Variants in ANGPT1 observed in about 807,000 individuals in gnomAD.
The protein encoded by ANGPT1 is angiopoietin-1.
Under a neutral mutation model 62.2 loss-of-function variants are expected in ANGPT1, and 17 were observed. The ratio of observed to expected loss-of-function variants is 0.27; its 90% confidence interval spans 0.19 to 0.41. The LOEUF (loss-of-function observed/expected upper bound fraction) is 0.41. Ranked by LOEUF, ANGPT1 falls within the 10% of genes least tolerant of loss-of-function variation. The probability of loss-of-function intolerance (pLI) is 1.00; values close to 1 mark genes in which losing one functional copy is unlikely to be tolerated. For synonymous variants in ANGPT1, 199 were observed against 198.9 expected (o/e 1.00, Z 0.00); for missense variants, 478 against 594.9 (o/e 0.80, Z 2.04).
At chr8:107,492,456 C>G (rs973971351) in intron 1 of ANGPT1, among the ~76,000 whole-genome samples, 5 of 152,196 alleles carry the variant, frequency 3.3e-5, no homozygotes, top group South Asian at 4.1e-4. Context: ...CTTCCTCAGC[C>G]TCCCTAGTAG....
At position 107,264,250 on chromosome 8, in the gene ANGPT1, A is replaced by G; in HGVS notation, c.1307T>C (p.Met436Thr). The G allele has an allele frequency of 6.2e-7, 1 of 1,613,956 alleles. No individual in the cohort carries two copies. The highest frequency in any genetic ancestry group is 8.5e-7 in the Non-Finnish European group (1 of 1,179,902). ...TGTTAACATGAGGGCACATTTGCACATACAGTTGTCATTATCAGCATCTTT... is the reference window on the plus strand; with the variant it reads ...TGTTAACATGAGGGCACATTTGCACGTACAGTTGTCATTATCAGCATCTTT... ...STKDADNDNCMCKCALMLTGG... is the reference protein window; with the variant it reads ...STKDADNDNCTCKCALMLTGG... Residue 436 changes from methionine to threonine, a missense_variant, in exon 8 of 9, where the codon ATG becomes ACG. Physicochemically the swap from Met to Thr is moderately conservative, Grantham distance 81. Transcript: ENST00000517746.
At chr8:107,333,982 G>A (rs1563573909) in intron 3 of ANGPT1, among the ~76,000 whole-genome samples, 3 of 76,946 alleles carry the variant, frequency 3.9e-5, no homozygotes, top group African/African-American at 1.5e-4. Flanking sequence ...AGGAGGGAGG[G>A]AGGGAGGGAG....
chr8:107,422,357 C>T (rs1020855440), intron 1 of ANGPT1, among the ~76,000 whole-genome samples: 5 of 152,148 alleles, frequency 3.3e-5, no homozygotes, highest in Non-Finnish European at 7.3e-5. Context: ...AGTTATAATT[C>T]CAATCTGAAC....
At chr8:107,352,652 C>G (rs1815957962) in intron 1 of ANGPT1, among the ~76,000 whole-genome samples, 1 of 152,226 alleles carries the variant, frequency 6.6e-6, no homozygotes, top group Admixed American at 6.5e-5. Flanking sequence ...TATCTTAAAG[C>G]ACAAATAATA....
intron 1 of ANGPT1, among the ~76,000 whole-genome samples, chr8:107,407,109 A>T (rs958340270): frequency 6.6e-6 from 1 of 152,156 alleles, no homozygotes; most frequent in African/African-American, 2.4e-5. Context: ...CTTCTCCACA[A>T]TGACGCTTCC....
chr8:107,346,263 A>G (rs963810332), intron 2 of ANGPT1, among the ~76,000 whole-genome samples: 1 of 152,166 alleles, frequency 6.6e-6, no homozygotes, highest in African/African-American at 2.4e-5. Flanking sequence ...TGGGTTTCAG[A>G]ATGGTAACTG....
intron 3 of ANGPT1, among the ~76,000 whole-genome samples, chr8:107,331,333 A>G (rs1309584472): frequency 6.6e-6 from 1 of 152,194 alleles, no homozygotes; most frequent in Non-Finnish European, 1.5e-5. Context: ...TGAATTCCCA[A>G]GGTAAAATAA....
intron 1 of ANGPT1, among the ~76,000 whole-genome samples, chr8:107,373,497 T>C (rs1048809731): frequency 6.6e-6 from 1 of 152,166 alleles, no homozygotes; most frequent in African/African-American, 2.4e-5. Flanking sequence ...ATATCTGTCA[T>C]GTTGGAAGAA....
rs35083108 is a variant in ANGPT1, at chr8:107,370,195, A to AAAAG, written c.298-23102_298-23099dup. ...GAGAAAGAAGAAAGAAAGAAAGAAAAAAAGAAAGAAAGAAAGAAAGAAAGG... is the reference window on the plus strand; with the variant it reads ...GAGAAAGAAGAAAGAAAGAAAGAAAAAAAGAAAGAAAGAAAGAAAGAAAGAAAGG... On this transcript the variant is annotated intron_variant, in intron 1 of 8. Transcript: ENST00000517746. Among the ~76,000 whole-genome samples the AAAAG allele has an allele frequency of 3.4e-3, 319 of 93,336 alleles. 4 individuals are homozygous for AAAAG. Among genetic ancestry groups the AAAAG allele is most frequent in the Middle Eastern group, 0.012 (2 of 162 alleles). The allele number at this position is 93,336 out of a possible 152,430, so 61.2% of individuals were successfully genotyped here. A position where few individuals can be genotyped will look rare whatever the true frequency, so the allele number is the denominator to read the frequency against.
intron 1 of ANGPT1, among the ~76,000 whole-genome samples, chr8:107,491,308 C>T (rs1375003461): frequency 6.6e-6 from 1 of 152,094 alleles, no homozygotes; most frequent in Non-Finnish European, 1.5e-5. Context: ...AGAAGGTATA[C>T]TGCATCAACG....
intron 1 of ANGPT1, among the ~76,000 whole-genome samples, chr8:107,355,086 G>T (rs1028684051): frequency 1.6e-4 from 25 of 151,808 alleles, no homozygotes; most frequent in African/African-American, 6.0e-4. Context: ...TTTTTTAGTA[G>T]AGACAGGGTT....
chr8:107,268,363 A>T (rs1586172954), intron 7 of ANGPT1, among the ~76,000 whole-genome samples: 1 of 151,112 alleles, frequency 6.6e-6, no homozygotes. Flanking sequence ...TACCCACTTC[A>T]TTGCCCATCC....
chr8:107,311,908 C>CA (rs1209926988), intron 4 of ANGPT1, among the ~76,000 whole-genome samples: 1 of 151,740 alleles, frequency 6.6e-6, no homozygotes, highest in Non-Finnish European at 1.5e-5. Context: ...ACTAAAAATA[C>CA]AAAAAATTAG....
intron 1 of ANGPT1, among the ~76,000 whole-genome samples, chr8:107,361,395 GAT>G (rs985750098): frequency 2.4e-4 from 35 of 148,622 alleles, no homozygotes; most frequent in African/African-American, 8.4e-4. Flanking sequence ...AAAATTTGCA[GAT>G]ATATATATAT....
At chr8:107,451,906 A>G (rs1242506668) in intron 1 of ANGPT1, among the ~76,000 whole-genome samples, 5 of 151,854 alleles carry the variant, frequency 3.3e-5, no homozygotes. Flanking sequence ...ATTTTAAAGG[A>G]CTATTAATGT....
intron 1 of ANGPT1, among the ~76,000 whole-genome samples, chr8:107,362,565 T>G (rs1253211965): frequency 6.6e-6 from 1 of 152,154 alleles, no homozygotes; most frequent in African/African-American, 2.4e-5. Context: ...TAAAATTGTA[T>G]CATCATCATT....
intron 2 of ANGPT1, among the ~76,000 whole-genome samples, chr8:107,337,577 AAAG>A (rs1405502221): frequency 6.6e-6 from 1 of 152,220 alleles, no homozygotes; most frequent in African/African-American, 2.4e-5. Context: ...TAAAACAAAG[AAAG>A]AAGATAAATT....
chr8:107,254,306 T>C (rs376940419), intron 8 of ANGPT1, among the ~76,000 whole-genome samples: 91 of 152,100 alleles, frequency 6.0e-4, no homozygotes, highest in African/African-American at 2.1e-3. Flanking sequence ...TTGTGAAACG[T>C]TGTTACACAA....
chr8:107,422,880 A>G (rs1331852601), intron 1 of ANGPT1, among the ~76,000 whole-genome samples: 2 of 152,216 alleles, frequency 1.3e-5, no homozygotes. Context: ...GCAGGTCTAA[A>G]TGATACGTGA....
Sources: allele counts gnomAD v4.1 joint callset (sites outside exome capture counted in the v4.1 genomes callset), GRCh38; gene constraint gnomAD v4.1.1; transcripts MANE v1.5; gene names NCBI Gene and HGNC (gene_info 2026-07-23, HGNC 2026-07-21).